OIT3: variants seen among roughly 807,000 people sequenced by gnomAD.
The protein encoded by OIT3 is oncoprotein induced transcript 3.
Under a neutral mutation model 52.2 loss-of-function variants are expected in OIT3, and 41 were observed. The ratio of observed to expected loss-of-function variants is 0.79; its 90% CI spans 0.61 to 1.02. OIT3 has a LOEUF of 1.02. OIT3 is among the 50% of genes least tolerant of loss of function. OIT3 has a pLI of 0.00. For synonymous variants in OIT3, 244 were observed against 276.9 expected, an observed-to-expected ratio of 0.88 and a Z score of 1.18; for missense variants, 634 against 715.5, an observed-to-expected ratio of 0.89 and a Z score of 1.30.
intron 7 of OIT3, among the ~76,000 whole-genome samples, chr10:72,928,069 T>C (rs1228560280): frequency 6.6e-6 from 1 of 152,214 alleles, no homozygotes; most frequent in African/African-American, 2.4e-5. Context: ...TATTTATTAA[T>C]TGTTTGATTA....
chr10:72,913,698 C>G (rs746097908), intron 6 of OIT3: 1 of 634,382 alleles, frequency 1.6e-6, no homozygotes, highest in South Asian at 1.5e-5. Flanking sequence ...AGTCCCATCT[C>G]TCCAGCATGC....
At chr10:72,916,320 C>G (rs533964160) in intron 6 of OIT3, among the ~76,000 whole-genome samples, 8 of 152,254 alleles carry the variant, frequency 5.3e-5, no homozygotes, top group African/African-American at 1.7e-4. Context: ...TTCTCTCCCC[C>G]CTCCTACCTT....
intron 3 of OIT3, among the ~76,000 whole-genome samples, chr10:72,902,449 A>G (rs1300187992): frequency 6.6e-6 from 1 of 152,162 alleles, no homozygotes; most frequent in African/African-American, 2.4e-5. Context: ...ACTCCATCCC[A>G]AGGAAACGGC....
intron 8 of OIT3, 68 bp downstream of exon 8, chr10:72,930,705 AGT>A: frequency 1.0e-6 from 1 of 955,804 alleles, no homozygotes; most frequent in Non-Finnish European, 1.6e-6. Context: ...TTGGTGTCCC[AGT>A]GTGTTGACAT....
Position 72,905,096 on chromosome 10 carries a change from C to G in OIT3, c.545-1500C>G, listed in dbSNP as rs984269630. Among the ~76,000 whole-genome samples, 6 of 152,158 alleles carry G rather than the reference C, an allele frequency of 3.9e-5. No individual in the cohort carries two copies. The East Asian group carries it at 1.2e-3, about 29-fold the overall frequency. ...AAGAACTCACTTATTACTGCAAAGA[C>G]AGCACCAAGCCATTCACAGGGGACT... On this transcript the variant is annotated intron_variant, in intron 3 of 8. Transcript: ENST00000334011.
At chr10:72,906,740 C>A (rs1459871906) in intron 4 of OIT3, 22 bp downstream of exon 4, 3 of 1,534,452 alleles carry the variant, frequency 2.0e-6, no homozygotes, top group African/African-American at 1.4e-5. Flanking sequence ...CAAAAAGGGA[C>A]CCAAATCAAG....
At chr10:72,918,564 GA>G in intron 6 of OIT3, 1 of 1,001,750 alleles carries the variant, frequency 1.0e-6, no homozygotes, top group South Asian at 1.3e-5. Flanking sequence ...AGGTGGGAGA[GA>G]AGGCGGATGG....
intron 6 of OIT3, among the ~76,000 whole-genome samples, chr10:72,914,040 G>A (rs182066159): frequency 6.5e-4 from 99 of 152,334 alleles, no homozygotes; most frequent in African/African-American, 2.3e-3. Context: ...CCAGTCAAGG[G>A]ACAAACACAG....
At chr10:72,931,956 G>A (rs1049991040) in intron 8 of OIT3, among the ~76,000 whole-genome samples, 7 of 152,208 alleles carry the variant, frequency 4.6e-5, no homozygotes, top group African/African-American at 1.7e-4. Flanking sequence ...GGTGCTTGCA[G>A]AAAACACTGG....
At chr10:72,919,541 T>C (rs1378781442) in intron 6 of OIT3, among the ~76,000 whole-genome samples, 1 of 152,174 alleles carries the variant, frequency 6.6e-6, no homozygotes, top group Non-Finnish European at 1.5e-5. Context: ...TGAAGGGGAA[T>C]GCTTCCAGCT....
intron 6 of OIT3, among the ~76,000 whole-genome samples, chr10:72,915,201 A>C (rs61865772): frequency 0.01 from 1,589 of 152,242 alleles, 20 homozygotes; most frequent in Non-Finnish European, 0.014. Context: ...TTTATTAAAA[A>C]GTACACAACA....
intron 1 of OIT3, among the ~76,000 whole-genome samples, chr10:72,896,150 G>A (rs912184455): frequency 6.6e-6 from 1 of 152,162 alleles, no homozygotes; most frequent in Non-Finnish European, 1.5e-5. Context: ...CCCAAGAAAT[G>A]ACATTTAACT....
At chr10:72,916,524 C>CAAGT (rs1846074412) in intron 6 of OIT3, among the ~76,000 whole-genome samples, 1 of 152,178 alleles carries the variant, frequency 6.6e-6, no homozygotes, top group African/African-American at 2.4e-5. Flanking sequence ...TTTGTGGCTG[C>CAAGT]AAGTATTCCA....
At chr10:72,913,720 C>T (rs552581098) in intron 6 of OIT3, 51 of 601,376 alleles carry the variant, frequency 8.5e-5, no homozygotes, top group South Asian at 7.5e-4. Flanking sequence ...CAGACATTTT[C>T]CTGAATGCAT....
In OIT3 at chr10:72,924,333, C is replaced by A. The variant is rs1370440536; in HGVS notation, c.1056C>A (p.Ile352=). The stretch of plus-strand genomic sequence containing the variant: ...TCATCCGAACCAGCAAGCTGCTGAT[C>A]CCGGTGACCTGCGAGTTTCCACGCC... ...DFIIRTSKLL[I]PVTCEFPRLY... The change falls in exon 7 of 9, where the codon ATC becomes ATA. Residue 352 remains isoleucine (I), a synonymous_variant. Coordinates refer to ENST00000334011, the MANE Select transcript of OIT3 (RefSeq NM_152635.3). 4 of 1,614,118 alleles carry A rather than the reference C, an allele frequency of 2.5e-6. No individual in the cohort carries two copies. In the South Asian group the frequency reaches 4.4e-5, roughly 18 times the overall value.
chr10:72,900,286 C>CCCCCCCGG, intron 2 of OIT3, 91 bp from the exon 3 acceptor site: 1 of 687,172 alleles, frequency 1.5e-6, no homozygotes, highest in Non-Finnish European at 2.5e-6. Flanking sequence ...GGGATACCAC[C>CCCCCCCGG]CCCCCCGACC....
At chr10:72,929,077 C>T (rs1050317096) in intron 7 of OIT3, among the ~76,000 whole-genome samples, 3 of 151,862 alleles carry the variant, frequency 2.0e-5, no homozygotes, top group African/African-American at 7.3e-5. Context: ...CATGGTGGCA[C>T]ACACCTATAA....
chr10:72,925,244 A>G (rs1220836106), intron 7 of OIT3, among the ~76,000 whole-genome samples: 2 of 152,258 alleles, frequency 1.3e-5, no homozygotes, highest in South Asian at 2.1e-4. Context: ...TGGTCATTCA[A>G]AATGACATAT....
chr10:72,924,914 C>T (rs1846155549), intron 7 of OIT3, among the ~76,000 whole-genome samples: 1 of 152,014 alleles, frequency 6.6e-6, no homozygotes, highest in African/African-American at 2.4e-5. Context: ...AGTTCGAGAC[C>T]AGCCTGGCCA....
Sources: gnomAD v4.1 joint callset for allele counts (sites outside exome capture counted in the v4.1 genomes callset) on GRCh38, gnomAD v4.1.1 for gene constraint, MANE v1.5 for transcripts, NCBI Gene and HGNC (gene_info 2026-07-23, HGNC 2026-07-21) for gene names.